The following TXNRD2 variants were observed in gnomAD, a reference collection of about 807,000 sequenced individuals.
TXNRD2 encodes the protein thioredoxin reductase 2, mitochondrial.
TXNRD2 carries 67 observed loss-of-function variants against 70.8 expected under a neutral mutation model. The ratio of observed to expected loss-of-function variants is 0.95; its 90% CI spans 0.78 to 1.16. The LOEUF (loss-of-function observed/expected upper bound fraction) is 1.16. Ranked by LOEUF, TXNRD2 falls within the 50% of genes most tolerant of loss-of-function variation. The pLI is 0.00. For synonymous variants in TXNRD2, 301 were observed against 295.8 expected, an observed-to-expected ratio of 1.02 and a Z score of -0.18; for missense variants, 644 against 719.9, an observed-to-expected ratio of 0.89 and a Z score of 1.21.
At chr22:19,894,914 G>A (rs1017017394) in intron 11 of TXNRD2, 2 of 1,149,408 alleles carry the variant, frequency 1.7e-6, no homozygotes, top group African/African-American at 1.6e-5. Flanking sequence ...CTTGAACCCG[G>A]GAGGCGGAGG....
chr22:19,925,238 C>T (rs931215988), intron 2 of TXNRD2, among the ~76,000 whole-genome samples: 4 of 151,760 alleles, frequency 2.6e-5, no homozygotes, highest in Admixed American at 6.6e-5. Context: ...GAGCTGAGAT[C>T]GCACCACTGC....
intron 5 of TXNRD2, 131 bp from the exon 6 acceptor site, chr22:19,915,974 C>A (rs1940620940): frequency 1.2e-6 from 1 of 803,212 alleles, no homozygotes; most frequent in South Asian, 1.5e-5. Flanking sequence ...TCAGATGGAC[C>A]AAGAGGTAAG....
chr22:19,936,045 A>G (rs539710964), intron 1 of TXNRD2, among the ~76,000 whole-genome samples: 1 of 152,292 alleles, frequency 6.6e-6, no homozygotes, highest in Non-Finnish European at 1.5e-5. Context: ...GGGCAGTGGA[A>G]GAACACTGTC....
chr22:19,883,671 C>G (rs1349322862), intron 11 of TXNRD2: 5 of 641,696 alleles, frequency 7.8e-6, no homozygotes, highest in Non-Finnish European at 1.4e-5. Context: ...AACCCTGTCT[C>G]AGCCAGGCGT....
intron 1 of TXNRD2, among the ~76,000 whole-genome samples, chr22:19,935,007 A>G (rs1396708139): frequency 1.3e-5 from 2 of 152,214 alleles, no homozygotes; most frequent in Admixed American, 6.5e-5. Flanking sequence ...GTGTTTGAAC[A>G]ATATGAAATC....
chr22:19,932,610 CA>C (rs1264630527), intron 1 of TXNRD2: 3 of 1,422,476 alleles, frequency 2.1e-6, no homozygotes, highest in South Asian at 2.8e-5. Context: ...GAAATAATAG[CA>C]AGTCATCAGT....
intron 1 of TXNRD2, among the ~76,000 whole-genome samples, chr22:19,934,388 A>AAAAAAC (rs1941469917): frequency 6.6e-6 from 1 of 150,870 alleles, no homozygotes; most frequent in Non-Finnish European, 1.5e-5. Flanking sequence ...CTCAGAAAAA[A>AAAAAAC]AAAAAAAAAA....
intron 5 of TXNRD2, 130 bp downstream of exon 5, chr22:19,918,013 C>T: frequency 1.3e-6 from 1 of 784,364 alleles, no homozygotes; most frequent in Non-Finnish European, 2.2e-6. Flanking sequence ...TCATCCCCAC[C>T]CATGAGCAGG....
At chr22:19,901,003 G>T (rs1051225642) in intron 8 of TXNRD2, among the ~76,000 whole-genome samples, 3 of 152,234 alleles carry the variant, frequency 2.0e-5, no homozygotes, top group Non-Finnish European at 2.9e-5. Flanking sequence ...GGCCTTCCTG[G>T]CCCTGAAGGC....
chr22:19,925,158 C>T (rs1243578288), intron 2 of TXNRD2, among the ~76,000 whole-genome samples: 2 of 151,742 alleles, frequency 1.3e-5, no homozygotes, highest in Non-Finnish European at 1.5e-5. Flanking sequence ...GTGGCATGCG[C>T]CTGTAGTCCC....
At chr22:19,907,894 T>G (rs1282901748) in intron 8 of TXNRD2, among the ~76,000 whole-genome samples, 2 of 43,944 alleles carry the variant, frequency 4.6e-5, no homozygotes, top group Non-Finnish European at 8.5e-5. Flanking sequence ...GCGCCGTGGG[T>G]AGCAGTGACC....
chr22:19,933,465 C>G, intron 1 of TXNRD2: 1 of 1,289,758 alleles, frequency 7.8e-7, no homozygotes, highest in Non-Finnish European at 1.0e-6. Flanking sequence ...CTTCTTGTTG[C>G]CATAGCAGGG....
At chr22:19,877,518 C>T (rs1190151930) in intron 16 of TXNRD2, among the ~76,000 whole-genome samples, 2 of 152,136 alleles carry the variant, frequency 1.3e-5, no homozygotes, top group Non-Finnish European at 2.9e-5. Context: ...ACAGTCCTGC[C>T]TTAGGCCTCT....
chr22:19,909,601 T>TCA (rs753106245), intron 8 of TXNRD2, among the ~76,000 whole-genome samples: 51 of 16,206 alleles, frequency 3.1e-3, no homozygotes, highest in African/African-American at 0.012. Flanking sequence ...CACACACCAC[T>TCA]CACACACACA....
At chr22:19,880,024 GC>G (rs1030897690) in intron 14 of TXNRD2, among the ~76,000 whole-genome samples, 154 bp downstream of exon 14, 1 of 152,194 alleles carries the variant, frequency 6.6e-6, no homozygotes, top group African/African-American at 2.4e-5. Context: ...TTCTGAGGCT[GC>G]CCCCAACGTG....
chr22:19,898,011 G>A, intron 10 of TXNRD2, 28 bp downstream of exon 10: 3 of 1,541,208 alleles, frequency 1.9e-6, no homozygotes, highest in Non-Finnish European at 2.6e-6. Context: ...AGAGCCACAG[G>A]GGCGGGAGCT....
intron 1 of TXNRD2, among the ~76,000 whole-genome samples, chr22:19,935,925 G>A (rs1026129559): frequency 2.6e-5 from 4 of 152,162 alleles, no homozygotes; most frequent in Non-Finnish European, 5.9e-5. Flanking sequence ...ATTCTCCGGG[G>A]TAACTATGGG....
In TXNRD2 at chr22:19,898,070, A is replaced by G; in HGVS notation, c.743T>C (p.Met248Thr). 6.4e-7 allele frequency: 1 copy of G among 1,564,072 alleles called. No homozygotes were observed. Among genetic ancestry groups the G allele is most frequent in the South Asian group, 1.2e-5 (1 of 84,812 alleles). ...TGIGLDTTIM[M>T]RSIPLRGFDQ... Reference sequence around the variant, plus strand: ...GAAGCCGCGGAGGGGGATGCTGCGCATCATGATGGTGGTGTCCAGCCCAAT... The same window carrying G: ...GAAGCCGCGGAGGGGGATGCTGCGCGTCATGATGGTGGTGTCCAGCCCAAT... Residue 248 changes from methionine to threonine, a missense_variant, in exon 10 of 18, where the codon ATG becomes ACG. Physicochemically the swap from Met to Thr is moderately conservative, Grantham distance 81. Around this residue, in one of 3 missense-constraint regions of TXNRD2, gnomAD observed 566 missense variants for 645.0 expected, o/e 0.88. Coordinates refer to ENST00000400521, the MANE Select transcript of TXNRD2 (RefSeq NM_006440.5).
At chr22:19,879,729 G>T (rs535065569) in intron 14 of TXNRD2, among the ~76,000 whole-genome samples, 6 of 152,244 alleles carry the variant, frequency 3.9e-5, no homozygotes, top group South Asian at 2.1e-4. Flanking sequence ...CATCTTCGGG[G>T]CCCTGGTGCT....
Sources: gnomAD v4.1 joint callset for allele counts (sites outside exome capture counted in the v4.1 genomes callset) on GRCh38, gnomAD v4.1.1 for gene constraint, gnomAD v4.1.1 regional missense constraint, MANE v1.5 for transcripts, NCBI Gene and HGNC (gene_info 2026-07-23, HGNC 2026-07-21) for gene names.